The following MAPKAP1 variants were observed in gnomAD, a reference collection of about 807,000 sequenced individuals.
MAPKAP1 encodes MAPK associated protein 1.
Under a neutral mutation model 65.7 loss-of-function variants are expected in MAPKAP1, and 20 were observed. That is an observed-to-expected ratio of 0.30 (90% CI 0.21 to 0.44). The LOEUF (loss-of-function observed/expected upper bound fraction) is 0.44. Among genes scored for constraint, MAPKAP1 ranks in the 20% least tolerant of loss-of-function variants. The pLI is 1.00. For synonymous variants in MAPKAP1, 222 were observed against 244.3 expected, an observed-to-expected ratio of 0.91 and a Z score of 0.85; for missense variants, 423 against 648.0, an observed-to-expected ratio of 0.65 and a Z score of 3.77.
intron 4 of MAPKAP1, among the ~76,000 whole-genome samples, chr9:125,586,512 T>G (rs1193289350): frequency 1.4e-4 from 21 of 150,048 alleles, no homozygotes; most frequent in South Asian, 8.4e-4. Flanking sequence ...TTGTTGTTGT[T>G]TTTTTTTTTT....
chr9:125,511,468 C>T (rs1306564191), intron 7 of MAPKAP1, among the ~76,000 whole-genome samples: 1 of 152,184 alleles, frequency 6.6e-6, no homozygotes, highest in African/African-American at 2.4e-5. Context: ...CCCAGGCCTG[C>T]ACTCTCTATA....
chr9:125,551,951 A>G (rs1475394480), intron 6 of MAPKAP1, among the ~76,000 whole-genome samples: 1 of 152,164 alleles, frequency 6.6e-6, no homozygotes, highest in African/African-American at 2.4e-5. Flanking sequence ...ACTGCTGGCA[A>G]GAAACACTTC....
At chr9:125,506,277 C>G in intron 8 of MAPKAP1, 33 bp downstream of exon 8, 1 of 1,571,920 alleles carries the variant, frequency 6.4e-7, no homozygotes, top group South Asian at 1.1e-5. Flanking sequence ...TTGCAACGGA[C>G]AAAGCGGGCA....
chr9:125,687,569 G>A (rs1020438147), intron 1 of MAPKAP1, among the ~76,000 whole-genome samples: 1 of 150,948 alleles, frequency 6.6e-6, no homozygotes, highest in South Asian at 2.1e-4. Flanking sequence ...TTAAGGCGGG[G>A]AGTTTGAGAC....
chr9:125,658,254 A>G (rs1184591379), intron 3 of MAPKAP1, among the ~76,000 whole-genome samples: 1 of 152,176 alleles, frequency 6.6e-6, no homozygotes, highest in Non-Finnish European at 1.5e-5. Context: ...CTGCATATTA[A>G]TTCTCTAACA....
At chr9:125,698,349 T>C (rs544111226) in intron 1 of MAPKAP1, among the ~76,000 whole-genome samples, 1 of 134,608 alleles carries the variant, frequency 7.4e-6, no homozygotes, top group African/African-American at 2.8e-5. Context: ...AATATATATA[T>C]TTTTTGAGAT....
At chr9:125,588,577 T>G (rs776388169) in intron 4 of MAPKAP1, among the ~76,000 whole-genome samples, 1 of 152,210 alleles carries the variant, frequency 6.6e-6, no homozygotes. Context: ...GTGAAAAATA[T>G]GTATTTCAAA....
intron 9 of MAPKAP1, among the ~76,000 whole-genome samples, chr9:125,478,783 A>G (rs1030745644): frequency 1.3e-5 from 2 of 152,134 alleles, no homozygotes; most frequent in Admixed American, 6.5e-5. Context: ...ACAGCTAGGT[A>G]CCTCTCAACA....
chr9:125,591,800 C>T (rs1032945276), intron 4 of MAPKAP1, among the ~76,000 whole-genome samples: 8 of 152,020 alleles, frequency 5.3e-5, no homozygotes, highest in Non-Finnish European at 1.0e-4. Context: ...AAGTAATTAA[C>T]TTATTTAAAA....
intron 5 of MAPKAP1, chr9:125,565,265 T>A (rs561162737): frequency 2.2e-4 from 33 of 152,414 alleles, no homozygotes; most frequent in African/African-American, 6.0e-4. Flanking sequence ...GACAGAAGCC[T>A]GTAGCCCATA....
At chr9:125,693,486 CATAT>C (rs545957690) in intron 1 of MAPKAP1, among the ~76,000 whole-genome samples, 1 of 148,998 alleles carries the variant, frequency 6.7e-6, no homozygotes, top group African/African-American at 2.5e-5. Context: ...CACATATACA[CATAT>C]ATACACACAT....
At chr9:125,564,655 T>C (rs1158462154) in intron 5 of MAPKAP1, among the ~76,000 whole-genome samples, 1 of 151,956 alleles carries the variant, frequency 6.6e-6, no homozygotes, top group Non-Finnish European at 1.5e-5. Flanking sequence ...GAAGTAACCA[T>C]ATCTACTGCA....
At chr9:125,578,162 T>C (rs1167058448) in intron 5 of MAPKAP1, among the ~76,000 whole-genome samples, 1 of 152,174 alleles carries the variant, frequency 6.6e-6, no homozygotes, top group Non-Finnish European at 1.5e-5. Flanking sequence ...AAACATGTGC[T>C]GTGTCCACTC....
chr9:125,621,282 C>A (rs1832891199), intron 4 of MAPKAP1, among the ~76,000 whole-genome samples: 1 of 151,146 alleles, frequency 6.6e-6, no homozygotes, highest in South Asian at 2.1e-4. Context: ...AAAAAAAAAA[C>A]AAAAACAAAA....
chr9:125,521,872 T>G (rs1829627847), intron 7 of MAPKAP1: 2 of 947,202 alleles, frequency 2.1e-6, no homozygotes, highest in African/African-American at 3.3e-5. Context: ...GAGAGCAAGC[T>G]TAGAGCCAAT....
At chr9:125,480,715 G>A (rs1405872170) in intron 9 of MAPKAP1, among the ~76,000 whole-genome samples, 1 of 151,516 alleles carries the variant, frequency 6.6e-6, no homozygotes, top group African/African-American at 2.4e-5. Context: ...GCTCACGCCT[G>A]TAATCCCAGC....
In MAPKAP1 at chr9:125,539,120, T is replaced by C. The variant is rs553394606; in HGVS notation, c.958+3939A>G. Among the ~76,000 whole-genome samples, 9 of 152,322 alleles carry C rather than the reference T, an allele frequency of 5.9e-5. No homozygotes were observed. The South Asian group carries it at 6.2e-4, about 11-fold the overall frequency. On this transcript the variant is annotated intron_variant, in intron 7 of 11. Transcript: ENST00000265960. ...GGTGCTCTGTAATTCTAAACAGATA[T>C]AGAGTTAGGAGGGAGTCCACTTGAC...
At chr9:125,541,377 T>C (rs1057404598) in intron 7 of MAPKAP1, among the ~76,000 whole-genome samples, 5 of 152,200 alleles carry the variant, frequency 3.3e-5, no homozygotes, top group Admixed American at 1.3e-4. Flanking sequence ...GTGGAATTTC[T>C]ACTAAGAAGC....
chr9:125,550,065 T>C (rs1247617802), intron 6 of MAPKAP1, among the ~76,000 whole-genome samples: 3 of 152,234 alleles, frequency 2.0e-5, no homozygotes, highest in Non-Finnish European at 2.9e-5. Context: ...TGTTCAAATA[T>C]GTCCTGCTGA....
Sources: allele counts gnomAD v4.1 joint callset (sites outside exome capture counted in the v4.1 genomes callset), GRCh38; gene constraint gnomAD v4.1.1; transcripts MANE v1.5; gene names NCBI Gene and HGNC (gene_info 2026-07-23, HGNC 2026-07-21).